CACNA2D4: variants seen among roughly 807,000 people sequenced by gnomAD.
CACNA2D4 encodes the protein calcium voltage-gated channel auxiliary subunit alpha2delta 4.
A neutral mutation model predicts 163.8 loss-of-function variants in CACNA2D4; 157 were observed. That is an observed-to-expected ratio of 0.96 (90% confidence interval 0.84 to 1.09). The LOEUF (loss-of-function observed/expected upper bound fraction) is 1.09, where lower values mean the gene tolerates loss of function less well. CACNA2D4 is among the 50% of genes least tolerant of loss of function. CACNA2D4 has a pLI of 0.00. For missense variants in CACNA2D4, 1,410 were observed against 1,479.9 expected (o/e 0.95, Z 0.78); for synonymous variants, 598 against 586.9 (o/e 1.02, Z -0.27).
intron 23 of CACNA2D4, among the ~76,000 whole-genome samples, chr12:1,850,881 CAAAAAAA>C (rs3078857): frequency 7.6e-6 from 1 of 130,862 alleles, no homozygotes. Context: ...GACTCCGTCT[CAAAAAAA>C]AAAAAAAAAA....
chr12:1,863,183 A>G (rs1028904671), intron 18 of CACNA2D4, among the ~76,000 whole-genome samples: 6 of 152,196 alleles, frequency 3.9e-5, no homozygotes, highest in Admixed American at 1.3e-4. Context: ...TGTTGAAAAG[A>G]TTGCCTTGCT....
At chr12:1,887,152 C>A in intron 6 of CACNA2D4, 83 bp from the exon 7 acceptor site, 1 of 907,046 alleles carries the variant, frequency 1.1e-6, no homozygotes, top group Non-Finnish European at 1.8e-6. Flanking sequence ...CCCAAGATGG[C>A]CATGATCCCC....
rs1863226551 is a variant in CACNA2D4, at chr12:1,799,148, TGC to T, written c.2995+525_2995+526del. On this transcript the variant is annotated intron_variant, in intron 34 of 37. Transcript: ENST00000382722. This position sits in a 1 kb window ranked among gnomAD's most constrained non-coding sequence, Gnocchi z 4.7. ...AGGGCCCAGGCGCCCGGGCAGTGAG[TGC>T]TTTGAAAGGCCAGGCTCATTGCCGC... 1.3e-5 allele frequency among the ~76,000 whole-genome samples: 2 copies of T among 152,154 alleles called. No homozygotes were observed. The highest frequency in any genetic ancestry group is 6.5e-5 in the Admixed American group (1 of 15,302).
intron 6 of CACNA2D4, among the ~76,000 whole-genome samples, chr12:1,907,088 C>A (rs552555745): frequency 1.3e-5 from 2 of 152,198 alleles, no homozygotes; most frequent in African/African-American, 2.4e-5. Context: ...TTGGCGAGTG[C>A]GCCTCATTTT....
rs878927899 is a variant in CACNA2D4 at position 1,909,845 on chromosome 12, C to A, written c.486+61G>T. 45 of 1,472,822 alleles carry A rather than the reference C, an allele frequency of 3.1e-5. No homozygotes were observed. The South Asian group carries it at 5.1e-4, about 17-fold the overall frequency. 91.2% of individuals were successfully genotyped at this position (1,472,822 alleles called of 1,614,324 possible). On this transcript the variant is annotated intron_variant, in intron 4 of 37. Transcript: ENST00000382722. ...TACGCCGCCACCCTATGCCGCCACC[C>A]CCATATCTGGTACTCAGGCGATCCT...
At position 1,874,662 on chromosome 12, in the gene CACNA2D4, A is replaced by C; in HGVS notation, c.1820T>G (p.Met607Arg). 1.2e-6 allele frequency: 2 copies of C among 1,612,652 alleles called. No individual in the cohort carries two copies. Among genetic ancestry groups the C allele is most frequent in the South Asian group, 2.2e-5 (2 of 91,042 alleles). ...EDQAESLRTAMINRETGTLSM... is the reference protein window; with the variant it reads ...EDQAESLRTARINRETGTLSM... ...GAGAGTACCTGTTTCCCTATTGATC[A>C]TGGCTGTTCTCAGCTTCAGGAGGAA... Residue 607 changes from methionine to arginine, a missense_variant, in exon 18 of 38, where the codon ATG becomes AGG. Transcript: ENST00000382722. This position sits in a 1 kb window ranked among gnomAD's most constrained non-coding sequence, Gnocchi z 4.4.
At chr12:1,831,666 G>A (rs1411464946) in intron 26 of CACNA2D4, 23 of 696,476 alleles carry the variant, frequency 3.3e-5, no homozygotes, top group Non-Finnish European at 4.7e-5. Context: ...GTGCCAGCTC[G>A]GCTAGAAAAG....
intron 36 of CACNA2D4, 88 bp from the exon 37 acceptor site, chr12:1,795,469 C>T: frequency 7.9e-7 from 1 of 1,269,568 alleles, no homozygotes; most frequent in Non-Finnish European, 1.1e-6. Flanking sequence ...TGCTCTGGTG[C>T]CACCAGTTGC....
In CACNA2D4 at chr12:1,800,492, C is replaced by T. The variant is rs1394833910; in HGVS notation, c.2869-54G>A. On this transcript the variant is annotated intron_variant, in intron 31 of 37. Coordinates refer to ENST00000382722, the MANE Select transcript of CACNA2D4 (RefSeq NM_172364.5). ...CACCTAGGTCCAAGGGTGAGGGTGC[C>T]CCCCCCCCACCACCAGCACCACCCT... 8 of 1,535,766 alleles carry T rather than the reference C, an allele frequency of 5.2e-6. 1 individual carries two copies. In the East Asian group the frequency reaches 1.4e-4, roughly 26 times the overall value.
At chr12:1,894,586 T>C (rs1866359126) in intron 6 of CACNA2D4, among the ~76,000 whole-genome samples, 1 of 150,084 alleles carries the variant, frequency 6.7e-6, no homozygotes, top group Non-Finnish European at 1.5e-5. Flanking sequence ...TGGTTCAACA[T>C]ATGCAAATCA....
chr12:1,810,806 ATGTG>A (rs1233107727), intron 27 of CACNA2D4, among the ~76,000 whole-genome samples: 1 of 151,874 alleles, frequency 6.6e-6, no homozygotes, highest in Non-Finnish European at 1.5e-5. Flanking sequence ...GTGTGTGTCT[ATGTG>A]TGGGGTGTCT....
intron 26 of CACNA2D4, among the ~76,000 whole-genome samples, chr12:1,818,334 G>A (rs1863956006): frequency 6.6e-6 from 1 of 151,942 alleles, no homozygotes; most frequent in South Asian, 2.1e-4. Context: ...AGAAAGGCGG[G>A]AAAGGTGGGG....
chr12:1,806,508 G>T lies in CACNA2D4; in HGVS notation c.2721+3770C>A, dbSNP rs979856038. Among the ~76,000 whole-genome samples, 3 of 152,210 alleles carry T rather than the reference G, an allele frequency of 2.0e-5. No homozygotes were observed. The highest frequency in any genetic ancestry group is 4.8e-5 in the African/African-American group (2 of 41,452). ...GAGGGTGTGCAAGGACTTTGTCTGGGAAGAATCTTTGCATCTGTAGCTCAA... is the reference window on the plus strand; with the variant it reads ...GAGGGTGTGCAAGGACTTTGTCTGGTAAGAATCTTTGCATCTGTAGCTCAA... On this transcript the variant is annotated intron_variant, in intron 29 of 37. Transcript: ENST00000382722. The surrounding 1 kb of genome is among the most constrained non-coding windows in gnomAD (Gnocchi z 4.1).
rs1555174341 is a variant in CACNA2D4 at position 1,801,088 on chromosome 12, G to C, written c.2823C>G (p.Cys941Trp). 2 of 1,613,846 alleles carry C rather than the reference G, an allele frequency of 1.2e-6. No homozygotes were observed. The highest frequency in any genetic ancestry group is 1.7e-6 in the Non-Finnish European group (2 of 1,179,870). ...CACTGTGGTGGTGACTCGAGGGTTT[G>C]CACATGGCCTGATAGTCATACATAG... Reference protein sequence around the residue: ...QVTMYDYQAMCKPSSHHHSAA... With the variant: ...QVTMYDYQAMWKPSSHHHSAA... Residue 941 changes from cysteine (C) to tryptophan (W), a missense_variant, in exon 31 of 38, where the codon TGC becomes TGG. Coordinates refer to ENST00000382722, the MANE Select transcript of CACNA2D4 (RefSeq NM_172364.5).
intron 9 of CACNA2D4, among the ~76,000 whole-genome samples, 191 bp from the exon 10 acceptor site, chr12:1,885,267 TGA>T (rs1471737672): frequency 1.4e-4 from 21 of 152,056 alleles, no homozygotes; most frequent in Admixed American, 1.3e-4. Context: ...CAAGATAAAC[TGA>T]GAGAGGGGAA....
At position 1,827,726 on chromosome 12, in the gene CACNA2D4, A is replaced by G. The variant is rs527439101; in HGVS notation, c.2551+13013T>C. 371 of 166,296 alleles carry G rather than the reference A, an allele frequency of 2.2e-3. 1 individual carries two copies. Among genetic ancestry groups the G allele is most frequent in the African/African-American group, 8.3e-3 (348 of 42,152 alleles). 10.3% of individuals were successfully genotyped at this position (166,296 alleles called of 1,614,324 possible). On this transcript the variant is annotated intron_variant, in intron 26 of 37. Coordinates refer to ENST00000382722, the MANE Select transcript of CACNA2D4 (RefSeq NM_172364.5). ...ACCTCAGTTTCTCCACCCATAACTC[A>G]AGGAATGCCCAGATGGGAGACCAGG...
intron 36 of CACNA2D4, 124 bp downstream of exon 36, chr12:1,795,544 A>G: frequency 2.3e-6 from 2 of 885,838 alleles, no homozygotes; most frequent in Non-Finnish European, 3.5e-6. Context: ...AGAACAAATA[A>G]CGGAGCCCTG....
At chr12:1,892,816 C>CA (rs1248136052) in intron 6 of CACNA2D4, among the ~76,000 whole-genome samples, 1 of 151,978 alleles carries the variant, frequency 6.6e-6, no homozygotes, top group Non-Finnish European at 1.5e-5. Flanking sequence ...AAACAGAAAC[C>CA]AAAAGCAAAC....
At chr12:1,884,938 G>T (rs752760214) in intron 10 of CACNA2D4, 49 bp downstream of exon 10, 2 of 1,598,724 alleles carry the variant, frequency 1.3e-6, no homozygotes, top group Non-Finnish European at 1.7e-6. Flanking sequence ...CCCTCCACCT[G>T]CCGCCTTCCT....
Sources: allele counts gnomAD v4.1 joint callset (sites outside exome capture counted in the v4.1 genomes callset), GRCh38; gene constraint gnomAD v4.1.1; non-coding constraint Gnocchi (gnomAD v3.1); transcripts MANE v1.5; gene names NCBI Gene and HGNC (gene_info 2026-07-23, HGNC 2026-07-21).